Variants in DHX29 observed in about 807,000 individuals in gnomAD.
DHX29 encodes ATP-dependent RNA helicase DHX29.
Under a neutral mutation model 167.9 loss-of-function variants are expected in DHX29, and 79 were observed. That is an observed-to-expected ratio of 0.47 (90% CI 0.39 to 0.57). The LOEUF is 0.57. Ranked by LOEUF, DHX29 falls within the 20% of genes least tolerant of loss-of-function variation. DHX29 has a pLI of 0.00. For synonymous variants in DHX29, 530 were observed against 546.0 expected, an observed-to-expected ratio of 0.97 and a Z score of 0.41; for missense variants, 1,347 against 1,593.4, an observed-to-expected ratio of 0.85 and a Z score of 2.63.
chr5:55,267,830 T>C lies in DHX29; in HGVS notation c.3295-8A>G. 6.3e-7 allele frequency: 1 copy of C among 1,586,374 alleles called. No individual in the cohort carries two copies. The highest frequency in any genetic ancestry group is 1.2e-5 in the South Asian group (1 of 85,692). On this transcript the variant is annotated splice_region_variant and splice_polypyrimidine_tract_variant and intron_variant, in intron 21 of 26. Coordinates refer to ENST00000251636, the MANE Select transcript of DHX29 (RefSeq NM_019030.4). Reference sequence around the variant, plus strand: ...AACTGCAGCTAGTGTTGCCTATCCATAAATCATAAATGACAAAACAATTTA... The same window carrying C: ...AACTGCAGCTAGTGTTGCCTATCCACAAATCATAAATGACAAAACAATTTA...
At chr5:55,259,148 T>C (rs1746189630) in intron 26 of DHX29, among the ~76,000 whole-genome samples, 1 of 152,188 alleles carries the variant, frequency 6.6e-6, no homozygotes, top group South Asian at 2.1e-4. Flanking sequence ...GTTTGGCTTA[T>C]TATTTTTTTT....
rs1489537028 is a variant in DHX29, at chr5:55,283,933, C to T, written c.1357-122G>A. The T allele has an allele frequency of 4.1e-6, 3 of 723,932 alleles. No individual in the cohort carries two copies. In the African/African-American group the frequency reaches 5.4e-5, roughly 13 times the overall value. 44.8% of individuals were successfully genotyped at this position (723,932 alleles called of 1,614,324 possible). A position where few individuals can be genotyped will look rare whatever the true frequency, so the allele number is the denominator to read the frequency against. On this transcript the variant is annotated intron_variant, in intron 10 of 26. Transcript: ENST00000251636. The stretch of plus-strand genomic sequence containing the variant: ...TATAATTTGACTCAAATTATTATTA[C>T]TTTAATATATGTATGTGTATGATGC...
intron 8 of DHX29, among the ~76,000 whole-genome samples, chr5:55,288,259 C>G (rs1352677602): frequency 1.3e-5 from 2 of 151,688 alleles, no homozygotes; most frequent in Non-Finnish European, 2.9e-5. Context: ...CAAAAAACAA[C>G]AACAAAAAAG....
Position 55,307,429 on chromosome 5 carries a change from C to CAGCGGT in DHX29, c.139_144dup (p.Thr47_Ala48dup). 6.2e-7 allele frequency: 1 copy of CAGCGGT among 1,612,844 alleles called. No homozygotes were observed. Among genetic ancestry groups the CAGCGGT allele is most frequent in the Admixed American group, 1.7e-5 (1 of 60,010 alleles). On this transcript the variant is annotated inframe_insertion, in exon 1 of 27. Coordinates refer to ENST00000251636, the MANE Select transcript of DHX29 (RefSeq NM_019030.4). ...TCCCTGGAGCCGGCAGCGGCAGCGGCAGCGGTGGCCGGCCTGGACACTGGC... is the reference window on the plus strand; with the variant it reads ...TCCCTGGAGCCGGCAGCGGCAGCGGCAGCGGTAGCGGTGGCCGGCCTGGACACTGGC...
At chr5:55,294,568 G>A (rs534688782) in intron 5 of DHX29, among the ~76,000 whole-genome samples, 20 of 152,264 alleles carry the variant, frequency 1.3e-4, no homozygotes, top group African/African-American at 2.4e-4. Context: ...CCAGCTACTC[G>A]GGAGGCTGAG....
At chr5:55,280,208 G>A (rs890779746) in intron 12 of DHX29, among the ~76,000 whole-genome samples, 2 of 152,130 alleles carry the variant, frequency 1.3e-5, no homozygotes, top group Non-Finnish European at 2.9e-5. Flanking sequence ...TGTCTAAGAG[G>A]TTGATGGCAT....
chr5:55,285,341 AG>A lies in DHX29; in HGVS notation c.1307del (p.Ala436ValfsTer8). On this transcript the variant is annotated frameshift_variant, in exon 10 of 27. Coordinates refer to ENST00000251636, the MANE Select transcript of DHX29 (RefSeq NM_019030.4). LOFTEE classifies it high-confidence loss of function. ...PTILTEDGMQAQHLGATLALY... is the reference protein window; with the variant it reads ...PTILTEDGMQXQHLGATLALY... ...GGGCTAAAGTAGCTCCCAGGTGCTG[AG>A]CTTGCATGCCATCTTCTGTTAAGAT... 1.2e-6 allele frequency: 2 copies of A among 1,613,996 alleles called. No homozygotes were observed. Among genetic ancestry groups the A allele is most frequent in the Non-Finnish European group, 1.7e-6 (2 of 1,180,008 alleles).
At chr5:55,274,499 T>C (rs1377577936) in intron 16 of DHX29, 115 bp downstream of exon 16, 1 of 718,548 alleles carries the variant, frequency 1.4e-6, no homozygotes, top group Non-Finnish European at 2.2e-6. Context: ...TACTTCCCCA[T>C]AGGTAATTTT....
At chr5:55,289,538 C>G in intron 7 of DHX29, 110 bp from the exon 8 acceptor site, 3 of 834,204 alleles carry the variant, frequency 3.6e-6, no homozygotes. Context: ...GGTTTTCATG[C>G]CTTATTTTTT....
At position 55,294,124 on chromosome 5, in the gene DHX29, T is replaced by G; in HGVS notation, c.673A>C (p.Met225Leu). ...KSKPKKEEKN[M>L]EVNMKEWILR... ...ATCCACTCTTTCATATTTACTTCCA[T>G]ATTTTTTTCTTCCTTTTTTGGCTAG... Residue 225 changes from methionine to leucine, a missense_variant, in exon 6 of 27, where the codon ATG becomes CTG. Coordinates refer to ENST00000251636, the MANE Select transcript of DHX29 (RefSeq NM_019030.4). 1.3e-6 allele frequency: 2 copies of G among 1,593,060 alleles called. No homozygotes were observed. Among genetic ancestry groups the G allele is most frequent in the Non-Finnish European group, 1.7e-6 (2 of 1,173,066 alleles).
chr5:55,268,282 T>C (rs1352891904), intron 21 of DHX29, among the ~76,000 whole-genome samples: 1 of 152,190 alleles, frequency 6.6e-6, no homozygotes, highest in South Asian at 2.1e-4. Flanking sequence ...AACAATCCAT[T>C]TGTTGTTGTA....
At chr5:55,307,320 G>T in intron 1 of DHX29, 67 bp downstream of exon 1, 2 of 1,396,970 alleles carry the variant, frequency 1.4e-6, no homozygotes. Context: ...GGGTTCTAAG[G>T]CCCTTTCCTC....
At chr5:55,282,713 A>G (rs1747495109) in intron 11 of DHX29, among the ~76,000 whole-genome samples, 1 of 152,188 alleles carries the variant, frequency 6.6e-6, no homozygotes, top group Non-Finnish European at 1.5e-5. Flanking sequence ...GGCAAAATGC[A>G]TGACAATAGA....
intron 18 of DHX29, 28 bp downstream of exon 18, chr5:55,272,059 T>C (rs201251486): frequency 1.5e-6 from 2 of 1,356,250 alleles, no homozygotes; most frequent in Admixed American, 4.3e-5. Context: ...AGGTTAAAAA[T>C]GTTTTGATTT....
chr5:55,295,971 C>G (rs1748299600), intron 4 of DHX29, among the ~76,000 whole-genome samples: 1 of 152,110 alleles, frequency 6.6e-6, no homozygotes, highest in South Asian at 2.1e-4. Context: ...ACATAGCTTA[C>G]TGAGAGGCAA....
chr5:55,270,343 GGT>G (rs1746789440), intron 20 of DHX29, 67 bp downstream of exon 20: 1 of 1,474,196 alleles, frequency 6.8e-7, no homozygotes, highest in Admixed American at 2.5e-5. Context: ...GGTAAGTTTA[GGT>G]GTTCATTTTT....
intron 12 of DHX29, among the ~76,000 whole-genome samples, chr5:55,278,476 T>C (rs13186937): frequency 0.06 from 9,124 of 152,232 alleles, 491 homozygotes; most frequent in African/African-American, 0.12. Flanking sequence ...GTTGTGACAA[T>C]CAAATGAGAT....
At chr5:55,285,497 A>G (rs1431813327) in intron 9 of DHX29, 81 bp from the exon 10 acceptor site, 1 of 1,384,008 alleles carries the variant, frequency 7.2e-7, no homozygotes, top group African/African-American at 1.5e-5. Flanking sequence ...TTAACATTAA[A>G]CTCAAGTTTG....
At chr5:55,291,132 G>C (rs1042411506) in intron 6 of DHX29, among the ~76,000 whole-genome samples, 1 of 152,140 alleles carries the variant, frequency 6.6e-6, no homozygotes, top group African/African-American at 2.4e-5. Context: ...GGAAAAAAAT[G>C]GCTTTTGAGG....
Sources: gnomAD v4.1 joint callset for allele counts (sites outside exome capture counted in the v4.1 genomes callset) on GRCh38, gnomAD v4.1.1 for gene constraint, MANE v1.5 for transcripts, NCBI Gene and HGNC (gene_info 2026-07-23, HGNC 2026-07-21) for gene names.